The following WDR17 variants were observed in gnomAD, a reference collection of about 807,000 sequenced individuals.
WDR17 encodes WD repeat domain 17.
WDR17 carries 143 observed loss-of-function variants against 161.7 expected under a neutral mutation model. The ratio of observed to expected loss-of-function variants is 0.88; its 90% CI spans 0.77 to 1.02. WDR17 has a LOEUF of 1.02. WDR17 is among the 50% of genes least tolerant of loss of function. WDR17 has a pLI of 0.00. For synonymous variants in WDR17, 517 were observed against 515.6 expected, an observed-to-expected ratio of 1.00 and a Z score of -0.04; for missense variants, 1,469 against 1,520.9, an observed-to-expected ratio of 0.97 and a Z score of 0.57.
intron 3 of WDR17, among the ~76,000 whole-genome samples, chr4:176,117,008 A>G (rs1740752133): frequency 1.3e-5 from 2 of 151,858 alleles, no homozygotes; most frequent in Admixed American, 6.6e-5. Context: ...AAGTTTATGT[A>G]CCCTGTTTTT....
At chr4:176,163,124 A>G in intron 21 of WDR17, 30 bp from the exon 22 acceptor site, 1 of 1,613,928 alleles carries the variant, frequency 6.2e-7, no homozygotes, top group South Asian at 1.1e-5. Flanking sequence ...CTTCTATGCA[A>G]CTGAAGAAAT....
At chr4:176,090,494 AAGAC>A (rs1561082524) in intron 1 of WDR17, among the ~76,000 whole-genome samples, 1 of 152,176 alleles carries the variant, frequency 6.6e-6, no homozygotes, top group African/African-American at 2.4e-5. Flanking sequence ...CAAACAGATG[AAGAC>A]AGACAGGTCA....
At chr4:176,168,863 T>A in intron 23 of WDR17, 80 bp downstream of exon 23, 1 of 1,489,622 alleles carries the variant, frequency 6.7e-7, no homozygotes, top group South Asian at 1.3e-5. Flanking sequence ...CAAATAGAGA[T>A]GCATGCAGAG....
chr4:176,096,313 T>G, intron 1 of WDR17: 9 of 397,372 alleles, frequency 2.3e-5, no homozygotes, highest in Admixed American at 4.5e-5. Flanking sequence ...TTATTGTCGA[T>G]TTCTTTCTTA....
intron 4 of WDR17, among the ~76,000 whole-genome samples, 191 bp downstream of exon 4, chr4:176,120,288 T>TTA (rs33940735): frequency 0.047 from 6,446 of 136,032 alleles, 137 homozygotes; most frequent in African/African-American, 0.058. Flanking sequence ...ATTTGAAGTT[T>TTA]TATATATATA....
chr4:176,142,049 T>C lies in WDR17; in HGVS notation c.1509T>C (p.Cys503=), dbSNP rs1440002542. ...AACATCCAGCTGCAGTGTTTGGTTG[T>C]GATTGGAGCCAAAACAATAAGTAAG... ...KYKHPAAVFG[C]DWSQNNKDMI... Residue 503 remains cysteine, a synonymous_variant, in exon 11 of 29, where the codon TGT becomes TGC. Transcript: ENST00000508596. 5 of 1,610,634 alleles carry C rather than the reference T, an allele frequency of 3.1e-6. No homozygotes were observed. The highest frequency in any genetic ancestry group is 1.3e-5 in the African/African-American group (1 of 74,872).
At chr4:176,160,879 A>G (rs1748933035) in intron 19 of WDR17, 32 bp from the exon 20 acceptor site, 1 of 1,523,774 alleles carries the variant, frequency 6.6e-7, no homozygotes, top group African/African-American at 1.4e-5. Flanking sequence ...ACAATTAGCT[A>G]AAGAATAATT....
At chr4:176,100,050 T>C (rs1294724950) in intron 1 of WDR17, among the ~76,000 whole-genome samples, 1 of 152,172 alleles carries the variant, frequency 6.6e-6, no homozygotes, top group Non-Finnish European at 1.5e-5. Context: ...AACATATGAG[T>C]GCAGGTATCT....
At chr4:176,152,711 G>T (rs1247210668) in intron 17 of WDR17, among the ~76,000 whole-genome samples, 5 of 151,508 alleles carry the variant, frequency 3.3e-5, no homozygotes, top group Non-Finnish European at 5.9e-5. Flanking sequence ...AAGGCGGAAG[G>T]ATCACTTGAG....
intron 1 of WDR17, among the ~76,000 whole-genome samples, chr4:176,080,087 C>T (rs74752307): frequency 3.2e-4 from 48 of 151,972 alleles, no homozygotes; most frequent in African/African-American, 1.2e-3. Context: ...GTAGGGGATG[C>T]AGTCAAACCA....
chr4:176,074,745 G>C (rs1427087626), intron 1 of WDR17, among the ~76,000 whole-genome samples: 1 of 148,962 alleles, frequency 6.7e-6, no homozygotes, highest in Non-Finnish European at 1.5e-5. Context: ...ACGAGCCCCT[G>C]TGCTAATTTT....
At position 176,180,946 on chromosome 4, in the gene WDR17, CT is replaced by C. The variant is rs1267738881; in HGVS notation, c.*1368del. ...AATGCATACTGGAAGTACTTTGATA[CT>C]CAAGTTGTTTCACAAGATTTATAAT... On this transcript the variant is annotated 3_prime_UTR_variant, in exon 29 of 29. Transcript: ENST00000508596. 1 of 152,134 alleles carries C rather than the reference CT, an allele frequency of 6.6e-6. No homozygotes were observed. The highest frequency in any genetic ancestry group is 1.5e-5 in the Non-Finnish European group (1 of 68,034). 9.4% of individuals were successfully genotyped at this position (152,134 alleles called of 1,614,324 possible). A position where few individuals can be genotyped will look rare whatever the true frequency, so the allele number is the denominator to read the frequency against.
In WDR17 at chr4:176,179,658, C is replaced by T. The variant is rs1463622238; in HGVS notation, c.*79C>T. The T allele has an allele frequency of 2.2e-6, 3 of 1,358,044 alleles. No homozygotes were observed. The East Asian group carries it at 8.0e-5, about 36-fold the overall frequency. The allele number at this position is 1,358,044 out of a possible 1,614,324, so 84.1% of individuals were successfully genotyped here. A position where few individuals can be genotyped will look rare whatever the true frequency, so the allele number is the denominator to read the frequency against. ...GTTAGCATTACCTTAATCTTTGTTGCTCAAGTGCCAGAGGTTGGGAGAAGG... is the reference window on the plus strand; with the variant it reads ...GTTAGCATTACCTTAATCTTTGTTGTTCAAGTGCCAGAGGTTGGGAGAAGG... On this transcript the variant is annotated 3_prime_UTR_variant, in exon 29 of 29. Coordinates refer to ENST00000508596, the MANE Select transcript of WDR17 (RefSeq NM_181265.4).
At chr4:176,104,821 G>A (rs1464286197) in intron 1 of WDR17, among the ~76,000 whole-genome samples, 1 of 151,980 alleles carries the variant, frequency 6.6e-6, no homozygotes, top group Admixed American at 6.6e-5. Context: ...TGCAGGAAAT[G>A]AGGACAAAAA....
At position 176,119,921 on chromosome 4, in the gene WDR17, T is replaced by C; in HGVS notation, c.362T>C (p.Val121Ala). The stretch of plus-strand genomic sequence containing the variant: ...AATGCAGAGGATGTGGTGGCATTTG[T>C]TTCCCACAGAGGCCCACTGTTCATT... The part of the protein sequence containing the change: ...CWNAEDVVAF[V>A]SHRGPLFIWT... The change falls in exon 4 of 29, where the codon GTT (valine) becomes GCT (alanine). Residue 121 changes from valine to alanine, a missense_variant. By Grantham distance (64) the Val-to-Ala change is moderately conservative (BLOSUM62 0). Coordinates refer to ENST00000508596, the MANE Select transcript of WDR17 (RefSeq NM_181265.4). 6.2e-7 allele frequency: 1 copy of C among 1,614,130 alleles called. No homozygotes were observed. The highest frequency in any genetic ancestry group is 8.5e-7 in the Non-Finnish European group (1 of 1,180,014).
At chr4:176,084,910 C>T (rs1439803514) in intron 1 of WDR17, among the ~76,000 whole-genome samples, 1 of 151,294 alleles carries the variant, frequency 6.6e-6, no homozygotes, top group African/African-American at 2.4e-5. Context: ...AATCACTTAA[C>T]GGTATATGAA....
At chr4:176,103,773 A>G (rs1336757015) in intron 1 of WDR17, among the ~76,000 whole-genome samples, 2 of 152,126 alleles carry the variant, frequency 1.3e-5, no homozygotes, top group Non-Finnish European at 2.9e-5. Context: ...GACATAAGGG[A>G]CACTATGAAG....
chr4:176,147,107 C>T (rs1446417050), intron 12 of WDR17, among the ~76,000 whole-genome samples: 4 of 152,068 alleles, frequency 2.6e-5, no homozygotes, highest in African/African-American at 9.7e-5. Flanking sequence ...CCTCATGATC[C>T]GCCCGTCTCA....
chr4:176,092,536 G>A (rs1008358357), intron 1 of WDR17, among the ~76,000 whole-genome samples: 4 of 152,086 alleles, frequency 2.6e-5, no homozygotes, highest in Admixed American at 1.3e-4. Context: ...CCTAGCTAGA[G>A]CAATCAGACA....
Sources: gnomAD v4.1 joint callset for allele counts (sites outside exome capture counted in the v4.1 genomes callset) on GRCh38, gnomAD v4.1.1 for gene constraint, MANE v1.5 for transcripts, NCBI Gene and HGNC (gene_info 2026-07-23, HGNC 2026-07-21) for gene names.